PRPSAP2: variants seen among roughly 807,000 people sequenced by gnomAD.
PRPSAP2 encodes the protein phosphoribosyl pyrophosphate synthetase associated protein 2, also known as phosphoribosyl pyrophosphate synthase-associated protein 2.
A neutral mutation model predicts 40.6 loss-of-function variants in PRPSAP2; 24 were observed. That is an observed-to-expected ratio of 0.59 (90% CI 0.43 to 0.83). PRPSAP2 has a LOEUF of 0.83. Ranked by LOEUF, PRPSAP2 falls within the 40% of genes least tolerant of loss-of-function variation. PRPSAP2 has a pLI of 0.00. For missense variants in PRPSAP2, 292 were observed against 465.6 expected (o/e 0.63, Z 3.43); for synonymous variants, 149 against 164.7 (o/e 0.90, Z 0.73).
chr17:18,866,183 C>A (rs1164614254), intron 3 of PRPSAP2, among the ~76,000 whole-genome samples: 1 of 151,890 alleles, frequency 6.6e-6, no homozygotes, highest in Non-Finnish European at 1.5e-5. Context: ...CATCTCCCTA[C>A]ATATTCTTTC....
intron 5 of PRPSAP2, among the ~76,000 whole-genome samples, chr17:18,875,023 T>G (rs1191745176): frequency 1.3e-5 from 2 of 152,138 alleles, no homozygotes; most frequent in Non-Finnish European, 2.9e-5. Context: ...TGCTGATCCT[T>G]CTCATTTTCA....
At chr17:18,892,721 GTGTGTGTA>G (rs2039632512) in intron 8 of PRPSAP2, among the ~76,000 whole-genome samples, 1 of 89,502 alleles carries the variant, frequency 1.1e-5, no homozygotes, top group East Asian at 2.6e-4. Context: ...GTGTGTGTGT[GTGTGTGTA>G]TTTATTTATT....
intron 3 of PRPSAP2, among the ~76,000 whole-genome samples, chr17:18,867,030 A>G (rs1193807129): frequency 1.3e-5 from 2 of 152,086 alleles, no homozygotes; most frequent in African/African-American, 4.8e-5. Context: ...GGGCTGGAGT[A>G]CAGAGTGTCC....
intron 5 of PRPSAP2, among the ~76,000 whole-genome samples, chr17:18,874,925 T>C (rs748900445): frequency 7.9e-5 from 12 of 152,194 alleles, no homozygotes; most frequent in Admixed American, 2.0e-4. Context: ...ATTGGATAAA[T>C]GCACAGAGGT....
intron 8 of PRPSAP2, among the ~76,000 whole-genome samples, chr17:18,893,470 A>G (rs1054242296): frequency 9.2e-5 from 14 of 151,946 alleles, no homozygotes; most frequent in Non-Finnish European, 1.8e-4. Flanking sequence ...CTAAGAATCC[A>G]TTGGCCAGGT....
intron 8 of PRPSAP2, among the ~76,000 whole-genome samples, chr17:18,908,108 A>G (rs1218603509): frequency 1.3e-5 from 2 of 152,110 alleles, no homozygotes; most frequent in Non-Finnish European, 2.9e-5. Flanking sequence ...CGCACTAGCC[A>G]AGATCACGCC....
At chr17:18,922,740 C>G (rs181781235) in intron 9 of PRPSAP2, among the ~76,000 whole-genome samples, 1 of 136,730 alleles carries the variant, frequency 7.3e-6, no homozygotes, top group Non-Finnish European at 1.5e-5. Context: ...GTGGTGCAAT[C>G]GTGGCTCACT....
intron 8 of PRPSAP2, among the ~76,000 whole-genome samples, chr17:18,890,826 G>A (rs937069537): frequency 1.3e-5 from 2 of 152,184 alleles, no homozygotes; most frequent in African/African-American, 2.4e-5. Context: ...CAGCTGAGAG[G>A]CCAGTTATTT....
rs763612893 is a variant in PRPSAP2, at chr17:18,882,646, G to A, written c.491G>A (p.Arg164Lys). The change falls in exon 7 of 12, where the codon AGA (arginine) becomes AAA (lysine). Residue 164 changes from arginine to lysine, a missense_variant. This residue lies in a region of PRPSAP2 where 241 missense variants were observed against 425.7 expected (regional missense o/e 0.57). Transcript: ENST00000268835. ...TTCAATATTCCTGTTGACAATTTAA[G>A]AGCATCTCCCTTCTTATTACAGTAT... ...GFFNIPVDNL[R>K]ASPFLLQYIQ... The A allele has an allele frequency of 6.2e-7, 1 of 1,602,466 alleles. No homozygotes were observed.
intron 11 of PRPSAP2, chr17:18,929,482 C>G (rs1040660111): frequency 2.6e-5 from 4 of 152,166 alleles, no homozygotes; most frequent in African/African-American, 9.7e-5. Context: ...TAGAAAGGAA[C>G]CCCATACCCA....
At chr17:18,870,021 G>A (rs1433168233) in intron 4 of PRPSAP2, among the ~76,000 whole-genome samples, 2 of 151,896 alleles carry the variant, frequency 1.3e-5, no homozygotes, top group African/African-American at 2.4e-5. Flanking sequence ...CTAATTTTTT[G>A]TGTTGTTGGT....
chr17:18,894,240 A>C (rs1170098106), intron 8 of PRPSAP2, among the ~76,000 whole-genome samples: 1 of 149,656 alleles, frequency 6.7e-6, no homozygotes, highest in South Asian at 2.1e-4. Context: ...TCACCCTGCA[A>C]CCTCCACCTC....
intron 8 of PRPSAP2, among the ~76,000 whole-genome samples, chr17:18,893,771 G>C (rs936802029): frequency 6.6e-6 from 1 of 152,162 alleles, no homozygotes. Context: ...ATGTTGGCCA[G>C]ACTGGTCTCC....
At chr17:18,856,858 A>G (rs1283351816), upstream of PRPSAP2, among the ~76,000 whole-genome samples, 1 of 152,226 alleles carries the variant, frequency 6.6e-6, no homozygotes, top group Non-Finnish European at 1.5e-5. Context: ...TGTGAGGATT[A>G]AATAAGTTAC....
Position 18,890,637 on chromosome 17 carries a change from A to G in PRPSAP2, c.584+760A>G, listed in dbSNP as rs535674008. Among the ~76,000 whole-genome samples, 50 of 152,288 alleles carry G rather than the reference A, an allele frequency of 3.3e-4. 1 individual carries two copies. The South Asian group carries it at 8.7e-3, about 27-fold the overall frequency. On this transcript the variant is annotated intron_variant, in intron 8 of 11. Coordinates refer to ENST00000268835, the MANE Select transcript of PRPSAP2 (RefSeq NM_002767.4). ...TCAATCATATTTCTTGACCAAAGCAATCCAGTTCTGGGGAATACGATCTAG... is the reference window on the plus strand; with the variant it reads ...TCAATCATATTTCTTGACCAAAGCAGTCCAGTTCTGGGGAATACGATCTAG...
At chr17:18,859,555 A>G (rs2036844351) in intron 1 of PRPSAP2, 1 of 152,190 alleles carries the variant, frequency 6.6e-6, no homozygotes, top group Non-Finnish European at 1.5e-5. Context: ...GGGTTGTCAT[A>G]AGCATTGTGA....
At chr17:18,872,437 C>T in intron 4 of PRPSAP2, 146 bp from the exon 5 acceptor site, 1 of 630,046 alleles carries the variant, frequency 1.6e-6, no homozygotes, top group Non-Finnish European at 2.8e-6. Context: ...TGTATTATCC[C>T]TTGTAACATC....
chr17:18,913,100 A>G (rs1415038391), intron 9 of PRPSAP2, among the ~76,000 whole-genome samples: 1 of 152,034 alleles, frequency 6.6e-6, no homozygotes, highest in Admixed American at 6.6e-5. Context: ...TAGTGGTTCT[A>G]CCAGTCTTGG....
intron 7 of PRPSAP2, among the ~76,000 whole-genome samples, chr17:18,884,540 G>A (rs1040268810): frequency 6.6e-6 from 1 of 152,002 alleles, no homozygotes; most frequent in African/African-American, 2.4e-5. Flanking sequence ...GAATCTTGCT[G>A]TGTTACCCAG....
Sources: gnomAD v4.1 joint callset for allele counts (sites outside exome capture counted in the v4.1 genomes callset) on GRCh38, gnomAD v4.1.1 for gene constraint, gnomAD v4.1.1 regional missense constraint, MANE v1.5 for transcripts, NCBI Gene and HGNC (gene_info 2026-07-23, HGNC 2026-07-21) for gene names.